REM2: variants seen among roughly 807,000 people sequenced by gnomAD.
REM2 encodes the protein RRAD and GEM like GTPase 2.
REM2 carries 24 observed loss-of-function variants against 24.4 expected under a neutral mutation model. The observed-to-expected ratio is 0.98, with a 90% CI of 0.71 to 1.38. The LOEUF is 1.38. Among genes scored for constraint, REM2 ranks in the 40% most tolerant of loss-of-function variants. REM2 has a pLI of 0.00. For synonymous variants in REM2, 187 were observed against 198.0 expected (o/e 0.94, Z 0.47); for missense variants, 429 against 467.8 (o/e 0.92, Z 0.77).
intron 3 of REM2, 120 bp downstream of exon 3, chr14:22,885,459 C>T (rs2040116461): frequency 2.7e-6 from 2 of 733,966 alleles, no homozygotes; most frequent in East Asian, 2.5e-5. Flanking sequence ...TGGAACCTGA[C>T]CTTTCATTCA....
intron 2 of REM2, 52 bp from the exon 3 acceptor site, chr14:22,885,214 A>G: frequency 6.5e-7 from 1 of 1,536,520 alleles, no homozygotes; most frequent in Admixed American, 1.7e-5. Flanking sequence ...GGTCTCACAA[A>G]TGTTGGGAAA....
At chr14:22,885,087 T>C in intron 2 of REM2, 72 bp downstream of exon 2, 1 of 1,447,250 alleles carries the variant, frequency 6.9e-7, no homozygotes. Context: ...GCTCGTGACC[T>C]GAGCAGCCCC....
chr14:22,886,699 G>A lies in REM2; in HGVS notation c.813G>A (p.Glu271=). The A allele has an allele frequency of 6.6e-7, 1 of 1,504,874 alleles. No homozygotes were observed. Among genetic ancestry groups the A allele is most frequent in the Non-Finnish European group, 8.9e-7 (1 of 1,128,406 alleles). The allele number at this position is 1,504,874 out of a possible 1,614,324, so 93.2% of individuals were successfully genotyped here. A position where few individuals can be genotyped will look rare whatever the true frequency, so the allele number is the denominator to read the frequency against. The change falls in exon 5 of 5, where the codon GAG becomes GAA. Residue 271 remains glutamate, a synonymous_variant. Transcript: ENST00000267396. The surrounding 1 kb of genome is among the most constrained non-coding windows in gnomAD (Gnocchi z 5.9). ...ACCACAACACGAGGGAGCTCTTCGA[G>A]GGCGCGGTGCGCCAGATCCGGCTGC... is the stretch of plus-strand genomic sequence containing the variant. The part of the protein sequence containing the change: ...ALHHNTRELF[E]GAVRQIRLRR...
Position 22,886,968 on chromosome 14 carries a change from C to A in REM2, c.*59C>A. ...GTCACCGCGCCCTCCGCTCGCCCCCCCTCGCCCCGCCCCGCCCCCGTCCGG... is the reference window on the plus strand; with the variant it reads ...GTCACCGCGCCCTCCGCTCGCCCCCACTCGCCCCGCCCCGCCCCCGTCCGG... On this transcript the variant is annotated 3_prime_UTR_variant, in exon 5 of 5. Transcript: ENST00000267396. The surrounding 1 kb of genome is among the most constrained non-coding windows in gnomAD (Gnocchi z 5.9). 3.8e-6 allele frequency: 5 copies of A among 1,306,110 alleles called. No homozygotes were observed. Among genetic ancestry groups the A allele is most frequent in the African/African-American group, 1.6e-5 (1 of 63,658 alleles). 80.9% of individuals were successfully genotyped at this position (1,306,110 alleles called of 1,614,324 possible).
chr14:22,885,431 C>A, intron 3 of REM2, 92 bp downstream of exon 3: 1 of 934,198 alleles, frequency 1.1e-6, no homozygotes, highest in Non-Finnish European at 1.8e-6. Flanking sequence ...GACTGCTGGT[C>A]CTGGTTTCCA....
rs1466757573 is a variant in REM2, at chr14:22,886,087, T to G, written c.583T>G (p.Phe195Val). 2.5e-6 allele frequency: 4 copies of G among 1,613,992 alleles called. No homozygotes were observed. The highest frequency in any genetic ancestry group is 3.4e-6 in the Non-Finnish European group (4 of 1,179,892). ...LQTGDAFLIV[F>V]SVTDRRSFSK... ...GACCGGGGACGCCTTTCTCATCGTC[T>G]TCTCAGTCACCGACCGACGGAGTTT... The change falls in exon 4 of 5, where the codon TTC becomes GTC. Residue 195 changes from phenylalanine (F) to valine (V), a missense_variant. Physicochemically the swap from Phe to Val is conservative, Grantham distance 50 (BLOSUM62 -1). Coordinates refer to ENST00000267396, the MANE Select transcript of REM2 (RefSeq NM_173527.3). The surrounding 1 kb of genome is among the most constrained non-coding windows in gnomAD (Gnocchi z 5.9).
chr14:22,886,592 C>T lies in REM2; in HGVS notation c.728-22C>T. On this transcript the variant is annotated intron_variant, in intron 4 of 4. Coordinates refer to ENST00000267396, the MANE Select transcript of REM2 (RefSeq NM_173527.3). This position sits in a 1 kb window ranked among gnomAD's most constrained non-coding sequence, Gnocchi z 5.9. ...GGGTCCCGTACAGCCCAGCGGGCGC[C>T]TGAGCCGGTGCCTTCCTGCAGAGGG... The T allele has an allele frequency of 1.4e-6, 2 of 1,446,176 alleles. No homozygotes were observed. The highest frequency in any genetic ancestry group is 9.1e-7 in the Non-Finnish European group (1 of 1,099,462). The allele number at this position is 1,446,176 out of a possible 1,614,324, so 89.6% of individuals were successfully genotyped here. A position where few individuals can be genotyped will look rare whatever the true frequency, so the allele number is the denominator to read the frequency against.
Position 22,886,995 on chromosome 14 carries a change from T to G in REM2, c.*86T>G. Reference sequence around the variant, plus strand: ...TCGCCCCGCCCCGCCCCCGTCCGGCTTCCTTGGTGGAGGCCGTCTAGGAAA... The same window carrying G: ...TCGCCCCGCCCCGCCCCCGTCCGGCGTCCTTGGTGGAGGCCGTCTAGGAAA... On this transcript the variant is annotated 3_prime_UTR_variant, in exon 5 of 5. Coordinates refer to ENST00000267396, the MANE Select transcript of REM2 (RefSeq NM_173527.3). The surrounding 1 kb of genome is among the most constrained non-coding windows in gnomAD (Gnocchi z 5.9). The G allele has an allele frequency of 8.2e-7, 1 of 1,220,672 alleles. No homozygotes were observed. 75.6% of individuals were successfully genotyped at this position (1,220,672 alleles called of 1,614,324 possible). A position where few individuals can be genotyped will look rare whatever the true frequency, so the allele number is the denominator to read the frequency against.
intron 1 of REM2, chr14:22,884,447 G>A (rs563840346): frequency 2.0e-6 from 2 of 985,400 alleles, no homozygotes; most frequent in East Asian, 1.1e-4. Context: ...GAATAGGTTG[G>A]GGTTGGGACC....
Position 22,886,396 on chromosome 14 carries a change from T to A in REM2, c.727+165T>A, listed in dbSNP as rs530102864. 3.5e-5 allele frequency: 26 copies of A among 752,976 alleles called. No homozygotes were observed. In the African/African-American group the frequency reaches 4.0e-4, roughly 12 times the overall value. The allele number at this position is 752,976 out of a possible 1,614,324, so 46.6% of individuals were successfully genotyped here. On this transcript the variant is annotated intron_variant, in intron 4 of 4. Transcript: ENST00000267396. The surrounding 1 kb of genome is among the most constrained non-coding windows in gnomAD (Gnocchi z 5.9). ...ATGCCCCACTCGAGGATCCTGAGAATCCCTTCTTGTCACTTCCCCTCACCT... is the reference window on the plus strand; with the variant it reads ...ATGCCCCACTCGAGGATCCTGAGAAACCCTTCTTGTCACTTCCCCTCACCT...
At position 22,887,126 on chromosome 14, in the gene REM2, A is replaced by G; in HGVS notation, c.*217A>G. The G allele has an allele frequency of 2.4e-6, 1 of 412,392 alleles. No homozygotes were observed. The highest frequency in any genetic ancestry group is 2.1e-5 in the African/African-American group (1 of 48,732). The allele number at this position is 412,392 out of a possible 1,614,324, so 25.5% of individuals were successfully genotyped here. ...CGCGTTCTCTGGAGCTTTGGGCCTC[A>G]GGGCGCCTAGAAGGCGAGGACGCAG... On this transcript the variant is annotated 3_prime_UTR_variant, in exon 5 of 5. Coordinates refer to ENST00000267396, the MANE Select transcript of REM2 (RefSeq NM_173527.3).
chr14:22,883,340 T>C lies in REM2; in HGVS notation c.53T>C (p.Leu18Pro). The change falls in exon 1 of 5, where the codon CTC becomes CCC. Residue 18 changes from leucine to proline, a missense_variant. By Grantham distance (98) the Leu-to-Pro change is moderately conservative. Transcript: ENST00000267396. ...GACATGGACACAGAAACCACAGCAC[T>C]CTGCCCCTCTGGCAGCCGCCGGGCC... ...DMDMDTETTALCPSGSRRASP... is the reference protein window; with the variant it reads ...DMDMDTETTAPCPSGSRRASP... The C allele has an allele frequency of 6.4e-7, 1 of 1,560,576 alleles. No homozygotes were observed.
Position 22,886,128 on chromosome 14 carries a change from G to A in REM2, c.624G>A (p.Glu208=). ...GACGGAGTTTCTCCAAAGTTCCAGA[G>A]ACCCTACTTCGGCTCCGGGCTGGGA... ...TDRRSFSKVP[E]TLLRLRAGRP... The change falls in exon 4 of 5, where the codon GAG becomes GAA. Residue 208 remains glutamate (E), a synonymous_variant. Transcript: ENST00000267396. The surrounding 1 kb of genome is among the most constrained non-coding windows in gnomAD (Gnocchi z 5.9). 1 of 1,613,986 alleles carries A rather than the reference G, an allele frequency of 6.2e-7. No individual in the cohort carries two copies. Among genetic ancestry groups the A allele is most frequent in the Non-Finnish European group, 8.5e-7 (1 of 1,179,886 alleles).
rs1193332426 is a variant in REM2 at position 22,884,756 on chromosome 14, C to T, written c.186C>T (p.Ala62=). 3 of 1,614,006 alleles carry T rather than the reference C, an allele frequency of 1.9e-6. No homozygotes were observed. Among genetic ancestry groups the T allele is most frequent in the Non-Finnish European group, 2.5e-6 (3 of 1,179,880 alleles). ...DRSGLPSAPG[A]PRRRGSMPVP... is the part of the protein sequence containing the mutation. ...GCGGGTTACCCTCTGCCCCTGGGGC[C>T]CCCAGACGAAGAGGCAGTATGCCTG... Residue 62 remains alanine (A), a synonymous_variant, in exon 2 of 5, where the codon GCC becomes GCT. Transcript: ENST00000267396.
intron 1 of REM2, among the ~76,000 whole-genome samples, chr14:22,883,926 ATCT>A (rs2040094365): frequency 7.4e-6 from 1 of 135,636 alleles, no homozygotes; most frequent in African/African-American, 2.8e-5. Flanking sequence ...CACACACACT[ATCT>A]CTCTCTCTCT....
intron 2 of REM2, 97 bp from the exon 3 acceptor site, chr14:22,885,169 C>T: frequency 7.2e-7 from 1 of 1,384,038 alleles, no homozygotes; most frequent in Non-Finnish European, 1.0e-6. Context: ...GGCAGGGTTC[C>T]CTGGTGCTGA....
rs1474548724 is a variant in REM2 at position 22,887,575 on chromosome 14, C to A, written c.*666C>A. 6.6e-6 allele frequency: 1 copy of A among 152,242 alleles called. No homozygotes were observed. Among genetic ancestry groups the A allele is most frequent in the African/African-American group, 2.4e-5 (1 of 41,462 alleles). The allele number at this position is 152,242 out of a possible 1,614,324, so 9.4% of individuals were successfully genotyped here. ...TAAAGGTAAGGGGTGGACAGACTTT[C>A]TGCATTCAGATAATGAGCAGTGGCA... On this transcript the variant is annotated 3_prime_UTR_variant, in exon 5 of 5. Coordinates refer to ENST00000267396, the MANE Select transcript of REM2 (RefSeq NM_173527.3).
rs778274856 is a variant in REM2 at position 22,883,344 on chromosome 14, C to T, written c.57C>T (p.Cys19=). 29 of 1,560,722 alleles carry T rather than the reference C, an allele frequency of 1.9e-5. No homozygotes were observed. The Admixed American group carries it at 4.8e-4, about 26-fold the overall frequency. The change falls in exon 1 of 5, where the codon TGC becomes TGT. Residue 19 remains cysteine, a synonymous_variant. Transcript: ENST00000267396. The stretch of plus-strand genomic sequence containing the variant: ...TGGACACAGAAACCACAGCACTCTG[C>T]CCCTCTGGCAGCCGCCGGGCCTCCC... ...MDMDTETTAL[C]PSGSRRASPP... is the part of the protein sequence containing the mutation.
In REM2 at chr14:22,884,961, G is replaced by T; in HGVS notation, c.391G>T (p.Ala131Ser). ...GAGCGGCGTGGGCAAGAGCACCCTA[G>T]CAGGCACTTTTGGTGGTCTCCAGGG... Reference protein sequence around the residue: ...GESGVGKSTLAGTFGGLQGDS... With the variant: ...GESGVGKSTLSGTFGGLQGDS... Residue 131 changes from alanine (A) to serine (S), a missense_variant, in exon 2 of 5, where the codon GCA becomes TCA. Physicochemically the swap from Ala to Ser is moderately conservative, Grantham distance 99. Transcript: ENST00000267396. The T allele has an allele frequency of 6.3e-7, 1 of 1,577,172 alleles. No individual in the cohort carries two copies. The highest frequency in any genetic ancestry group is 8.6e-7 in the Non-Finnish European group (1 of 1,159,032).
Sources: allele counts gnomAD v4.1 joint callset (sites outside exome capture counted in the v4.1 genomes callset), GRCh38; gene constraint gnomAD v4.1.1; non-coding constraint Gnocchi (gnomAD v3.1); transcripts MANE v1.5; gene names NCBI Gene and HGNC (gene_info 2026-07-23, HGNC 2026-07-21).